Variants in ACOD1 observed in about 807,000 individuals in gnomAD.
ACOD1 encodes aconitate decarboxylase 1.
Under a neutral mutation model 14.2 loss-of-function variants are expected in ACOD1, and 14 were observed. The observed-to-expected ratio is 0.99, with a 90% CI of 0.65 to 1.54. The LOEUF (loss-of-function observed/expected upper bound fraction) is 1.54. Among genes scored for constraint, ACOD1 ranks in the 40% most tolerant of loss-of-function variants. ACOD1 has a pLI of 0.00. For synonymous variants in ACOD1, 182 were observed against 221.7 expected (o/e 0.82, Z 1.59); for missense variants, 530 against 586.3 (o/e 0.90, Z 0.99).
chr13:76,948,707 T>TA (rs748113216), intron 1 of ACOD1, 137 bp downstream of exon 1: 145 of 640,652 alleles, frequency 2.3e-4, no homozygotes, highest in Non-Finnish European at 3.7e-4. Context: ...GTGGGCTACC[T>TA]AATTAACTGC....
intron 4 of ACOD1, among the ~76,000 whole-genome samples, chr13:76,956,020 T>C (rs2033871814): frequency 6.6e-6 from 1 of 152,210 alleles, no homozygotes; most frequent in Non-Finnish European, 1.5e-5. Flanking sequence ...TTTCAGTTTC[T>C]TCAAGGCCCA....
rs987882640 is a variant in ACOD1, at chr13:76,948,550, T to C, written c.-9T>C. On this transcript the variant is annotated 5_prime_UTR_variant, in exon 1 of 5. Coordinates refer to ENST00000377462, the MANE Select transcript of ACOD1 (RefSeq NM_001258406.2). ...CTCCTCCTGAACTGAACCTCTTCTT[T>C]ACAACGAAATGATGCTCAAGGTATT... 11 of 1,548,772 alleles carry C rather than the reference T, an allele frequency of 7.1e-6. No homozygotes were observed. The highest frequency in any genetic ancestry group is 8.7e-6 in the Non-Finnish European group (10 of 1,145,936).
rs2033845147 is a variant in ACOD1 at position 76,953,674 on chromosome 13, T to C, written c.249T>C (p.Phe83=). ...DIRLPPTYAA[F]VNGVAIHSMD... ...GGCTCCCGCCCACATATGCTGCTTT[T>C]GTGAACGGTGTGGCTGTAAGGAGGT... Residue 83 remains phenylalanine (F), a synonymous_variant, in exon 3 of 5, where the codon TTT becomes TTC. Transcript: ENST00000377462. 1.3e-6 allele frequency: 2 copies of C among 1,544,322 alleles called. No individual in the cohort carries two copies. Among genetic ancestry groups the C allele is most frequent in the East Asian group, 2.5e-5 (1 of 40,816 alleles).
At chr13:76,952,454 GGTGT>G in intron 1 of ACOD1, 31 bp from the exon 2 acceptor site, 1 of 1,537,356 alleles carries the variant, frequency 6.5e-7, no homozygotes, top group South Asian at 1.2e-5. Flanking sequence ...AGTAAAGTGG[GGTGT>G]ATCCCTGTCC....
rs1037910858 is a variant in ACOD1 at position 76,957,565 on chromosome 13, G to T, written c.1026G>T (p.Leu342=). Reference sequence around the variant, plus strand: ...TCCAGTATGTGGCCTGTGCCATGCTGCTTGATGGTGGCATCACTGTCCCCT... The same window carrying T: ...TCCAGTATGTGGCCTGTGCCATGCTTCTTGATGGTGGCATCACTGTCCCCT... ...HSFQYVACAM[L]LDGGITVPSF... The change falls in exon 5 of 5, where the codon CTG becomes CTT. Residue 342 remains leucine (L), a synonymous_variant. Transcript: ENST00000377462. 6.4e-7 allele frequency: 1 copy of T among 1,550,646 alleles called. No homozygotes were observed. The highest frequency in any genetic ancestry group is 1.2e-5 in the South Asian group (1 of 84,068).
rs753155849 is a variant in ACOD1, at chr13:76,955,412, C to T, written c.358C>T (p.Pro120Ser). 2.5e-5 allele frequency: 39 copies of T among 1,550,520 alleles called. No homozygotes were observed. Among genetic ancestry groups the T allele is most frequent in the South Asian group, 5.9e-5 (5 of 84,066 alleles). ...PVLTALAEAL[P>S]RSPKFSGLDL... The stretch of plus-strand genomic sequence containing the variant: ...CCTCACAGCTTTAGCAGAAGCCCTG[C>T]CAAGGAGTCCAAAGTTTTCTGGCCT... Residue 120 changes from proline to serine, a missense_variant, in exon 4 of 5, where the codon CCA becomes TCA. By Grantham distance (74) the Pro-to-Ser change is moderately conservative. Transcript: ENST00000377462.
At chr13:76,950,787 A>G (rs2033814245) in intron 1 of ACOD1, among the ~76,000 whole-genome samples, 1 of 151,994 alleles carries the variant, frequency 6.6e-6, no homozygotes, top group African/African-American at 2.4e-5. Flanking sequence ...TCTGACCATA[A>G]CTCTACTTTT....
At position 76,957,980 on chromosome 13, in the gene ACOD1, TCC is replaced by T; in HGVS notation, c.1442_1443del (p.Ser481LeufsTer7). On this transcript the variant is annotated frameshift_variant, in exon 5 of 5. Coordinates refer to ENST00000377462, the MANE Select transcript of ACOD1 (RefSeq NM_001258406.2). LOFTEE classifies it high-confidence loss of function. ...ATGTAATAATTCTATCACAAATCTC[TCC>T]TGAGGCTTACCAACATCTAAATGAC... Reference protein sequence around the residue: ...PACNNSITNLS With the variant: ...PACNNSITNLX 6.6e-7 allele frequency: 1 copy of T among 1,513,640 alleles called. No homozygotes were observed. The highest frequency in any genetic ancestry group is 8.8e-7 in the Non-Finnish European group (1 of 1,133,658). 93.8% of individuals were successfully genotyped at this position (1,513,640 alleles called of 1,614,324 possible). A position where few individuals can be genotyped will look rare whatever the true frequency, so the allele number is the denominator to read the frequency against.
chr13:76,957,956 T>C lies in ACOD1; in HGVS notation c.1417T>C (p.Cys473Arg), dbSNP rs1345314627. 4.6e-6 allele frequency: 7 copies of C among 1,538,380 alleles called. No individual in the cohort carries two copies. The South Asian group carries it at 8.6e-5, about 19-fold the overall frequency. The part of the protein sequence containing the change: ...PPEVASNSPA[C>R]NNSITNLS Reference sequence around the variant, plus strand: ...AGAGGTAGCTTCAAACTCTCCAGCATGTAATAATTCTATCACAAATCTCTC... The same window carrying C: ...AGAGGTAGCTTCAAACTCTCCAGCACGTAATAATTCTATCACAAATCTCTC... Residue 473 changes from cysteine to arginine, a missense_variant, in exon 5 of 5, where the codon TGT (cysteine) becomes CGT (arginine). Transcript: ENST00000377462.
At position 76,957,213 on chromosome 13, in the gene ACOD1, C is replaced by A. The variant is rs572526737; in HGVS notation, c.674C>A (p.Ala225Glu). 1 of 1,550,624 alleles carries A rather than the reference C, an allele frequency of 6.4e-7. No homozygotes were observed. The highest frequency in any genetic ancestry group is 8.7e-7 in the Non-Finnish European group (1 of 1,147,000). Residue 225 changes from alanine (A) to glutamate (E), a missense_variant, in exon 5 of 5, where the codon GCA (alanine) becomes GAA (glutamate). Physicochemically the swap from Ala to Glu is moderately radical, Grantham distance 107. Transcript: ENST00000377462. ...AKHGIEAAFL[A>E]MLGLQGNKQV... ...CATGGGATAGAAGCTGCATTTTTGG[C>A]AATGTTGGGTCTCCAAGGAAACAAG...
chr13:76,952,566 C>G lies in ACOD1; in HGVS notation c.90C>G (p.Ser30Arg). Residue 30 changes from serine (S) to arginine (R), a missense_variant, in exon 2 of 5, where the codon AGC (serine) becomes AGG (arginine). Coordinates refer to ENST00000377462, the MANE Select transcript of ACOD1 (RefSeq NM_001258406.2). ...TGACAGATCGTGTTATTCAGAGGAG[C>G]AAGAGGATGATTCTAGACACTCTGG... ...GHLTDRVIQR[S>R]KRMILDTLGA... 6.4e-7 allele frequency: 1 copy of G among 1,550,392 alleles called. No homozygotes were observed. The highest frequency in any genetic ancestry group is 8.7e-7 in the Non-Finnish European group (1 of 1,146,902).
At chr13:76,953,078 T>C (rs1396476696) in intron 2 of ACOD1, among the ~76,000 whole-genome samples, 1 of 151,864 alleles carries the variant, frequency 6.6e-6, no homozygotes, top group East Asian at 1.9e-4. Context: ...GAGGTTGGGG[T>C]TGTAGTAAGT....
At chr13:76,956,891 G>A (rs146614804) in intron 4 of ACOD1, 119 bp from the exon 5 acceptor site, 1 of 1,077,978 alleles carries the variant, frequency 9.3e-7, no homozygotes, top group Non-Finnish European at 1.3e-6. Context: ...TAAAGTAATG[G>A]AGCTGAGATC....
intron 1 of ACOD1, among the ~76,000 whole-genome samples, chr13:76,948,972 T>A (rs1240219843): frequency 6.6e-6 from 1 of 152,116 alleles, no homozygotes; most frequent in East Asian, 1.9e-4. Context: ...GGACTCATAG[T>A]AAGAACTTGT....
intron 1 of ACOD1, among the ~76,000 whole-genome samples, chr13:76,950,022 T>C (rs1163599133): frequency 6.6e-6 from 1 of 152,030 alleles, no homozygotes; most frequent in Non-Finnish European, 1.5e-5. Flanking sequence ...ACATAAAAAA[T>C]AGCCCATCCT....
At chr13:76,955,076 A>G (rs892175954) in intron 3 of ACOD1, among the ~76,000 whole-genome samples, 26 of 143,982 alleles carry the variant, frequency 1.8e-4, no homozygotes, top group African/African-American at 6.8e-4. Flanking sequence ...GCAGTGAGCC[A>G]GGATCATGCC....
At position 76,954,990 on chromosome 13, in the gene ACOD1, GGTGGTGGGCACCT is replaced by G. The variant is rs374016628; in HGVS notation, c.265-326_265-314del. On this transcript the variant is annotated intron_variant, in intron 3 of 4. Transcript: ENST00000377462. ...AAAAATACAAAAATTAGCCAGGTGC[GGTGGTGGGCACCT>G]GTTATCCCAGCTGCTCCAGAGGCTG... 2.0e-3 allele frequency among the ~76,000 whole-genome samples: 303 copies of G among 152,022 alleles called. 4 individuals carry two copies. The highest frequency in any genetic ancestry group is 6.7e-3 in the African/African-American group (276 of 41,460).
chr13:76,953,031 C>A (rs548780760), intron 2 of ACOD1, among the ~76,000 whole-genome samples: 1 of 152,042 alleles, frequency 6.6e-6, no homozygotes, highest in Non-Finnish European at 1.5e-5. Flanking sequence ...CCCAGCTACT[C>A]GGGAGGCTGA....
intron 1 of ACOD1, among the ~76,000 whole-genome samples, chr13:76,949,564 A>T (rs1423204211): frequency 6.6e-6 from 1 of 152,036 alleles, no homozygotes; most frequent in Admixed American, 6.6e-5. Flanking sequence ...CACCAGCAGC[A>T]CGGTCTCATA....
Sources: allele counts gnomAD v4.1 joint callset (sites outside exome capture counted in the v4.1 genomes callset), GRCh38; gene constraint gnomAD v4.1.1; transcripts MANE v1.5; gene names NCBI Gene and HGNC (gene_info 2026-07-23, HGNC 2026-07-21).